GPC6: variants seen among roughly 807,000 people sequenced by gnomAD.
GPC6 encodes glypican-6.
GPC6 carries 14 observed loss-of-function variants against 55.2 expected under a neutral mutation model. That is an observed-to-expected ratio of 0.25 (90% CI 0.17 to 0.40). GPC6 has a LOEUF of 0.40. GPC6 is among the 10% of genes least tolerant of loss of function. The pLI, the probability that GPC6 is intolerant of heterozygous loss-of-function variation, is 1.00. For synonymous variants in GPC6, 278 were observed against 259.6 expected, an observed-to-expected ratio of 1.07 and a Z score of -0.68; for missense variants, 641 against 708.5, an observed-to-expected ratio of 0.90 and a Z score of 1.08.
chr13:94,044,226 A>G (rs905978390), intron 4 of GPC6, among the ~76,000 whole-genome samples: 1 of 151,766 alleles, frequency 6.6e-6, no homozygotes, highest in African/African-American at 2.4e-5. Flanking sequence ...GTATAAGTAG[A>G]TATGTGTGTA....
At chr13:93,704,830 G>A (rs921641228) in intron 2 of GPC6, among the ~76,000 whole-genome samples, 4 of 151,878 alleles carry the variant, frequency 2.6e-5, no homozygotes, top group East Asian at 1.9e-4. Flanking sequence ...TAAGCATATG[G>A]CAATGAGGCA....
intron 4 of GPC6, among the ~76,000 whole-genome samples, chr13:94,031,082 G>A (rs991143791): frequency 1.2e-4 from 18 of 149,276 alleles, no homozygotes; most frequent in Admixed American, 4.0e-4. Flanking sequence ...GTGCGTGTGC[G>A]TGTGTGTGTG....
intron 4 of GPC6, among the ~76,000 whole-genome samples, chr13:94,235,692 A>G (rs974822897): frequency 4.6e-5 from 7 of 152,162 alleles, no homozygotes; most frequent in Admixed American, 4.6e-4. Flanking sequence ...AAAATGTTAT[A>G]CAGCATCCTA....
At chr13:93,483,337 CT>C (rs1428025296) in intron 1 of GPC6, among the ~76,000 whole-genome samples, 1 of 152,026 alleles carries the variant, frequency 6.6e-6, no homozygotes, top group Non-Finnish European at 1.5e-5. Context: ...TATTGTGAAA[CT>C]TATCAGTCAA....
In GPC6 at chr13:93,245,695, T is replaced by C. The variant is rs1375925915; in HGVS notation, c.160+18079T>C. Among the ~76,000 whole-genome samples the C allele has an allele frequency of 3.3e-5, 5 of 152,190 alleles. No homozygotes were observed. The East Asian group carries it at 9.6e-4, about 29-fold the overall frequency. Reference sequence around the variant, plus strand: ...TCTTTCAGAGTGGGCAGTCACCTTTTGGATAATGGTTTTTGTATTGTTTTT... The same window carrying C: ...TCTTTCAGAGTGGGCAGTCACCTTTCGGATAATGGTTTTTGTATTGTTTTT... On this transcript the variant is annotated intron_variant, in intron 1 of 8. Transcript: ENST00000377047.
chr13:94,015,350 A>C (rs1054580955), intron 3 of GPC6, among the ~76,000 whole-genome samples: 2 of 152,102 alleles, frequency 1.3e-5, no homozygotes, highest in Admixed American at 6.5e-5. Flanking sequence ...TGTCTACTCA[A>C]ATCTTTTGCC....
At chr13:93,854,542 C>G (rs568712745) in intron 3 of GPC6, among the ~76,000 whole-genome samples, 3 of 151,558 alleles carry the variant, frequency 2.0e-5, no homozygotes, top group African/African-American at 7.3e-5. Flanking sequence ...TGAAATCACA[C>G]GTGAAGATTT....
At chr13:93,289,103 T>C (rs1878232714) in intron 1 of GPC6, among the ~76,000 whole-genome samples, 2 of 152,154 alleles carry the variant, frequency 1.3e-5, no homozygotes, top group African/African-American at 4.8e-5. Flanking sequence ...GATAGGGATG[T>C]TATACTGACC....
chr13:94,134,365 A>G (rs890581295), intron 4 of GPC6, among the ~76,000 whole-genome samples: 3 of 152,182 alleles, frequency 2.0e-5, no homozygotes, highest in South Asian at 2.1e-4. Flanking sequence ...ACACTGTACT[A>G]TTCTGTCTCT....
intron 2 of GPC6, among the ~76,000 whole-genome samples, chr13:93,801,395 A>G (rs1594469257): frequency 6.6e-6 from 1 of 152,184 alleles, no homozygotes; most frequent in Admixed American, 6.6e-5. Flanking sequence ...GACAGTGGTG[A>G]TAGGGAGTGG....
At chr13:94,132,812 C>T (rs182464192) in intron 4 of GPC6, among the ~76,000 whole-genome samples, 2 of 152,194 alleles carry the variant, frequency 1.3e-5, no homozygotes, top group East Asian at 1.9e-4. Context: ...CACCAAATAC[C>T]GCCTCAGGAC....
At chr13:93,946,438 T>C (rs1879014456) in intron 3 of GPC6, among the ~76,000 whole-genome samples, 1 of 152,156 alleles carries the variant, frequency 6.6e-6, no homozygotes. Flanking sequence ...GCCCCAAACT[T>C]TATTTTTAAT....
intron 1 of GPC6, among the ~76,000 whole-genome samples, chr13:93,281,189 T>G (rs1401526639): frequency 6.6e-6 from 1 of 152,226 alleles, no homozygotes; most frequent in Admixed American, 6.5e-5. Flanking sequence ...GCAGAAGGAC[T>G]AGAATGGTGC....
intron 6 of GPC6, among the ~76,000 whole-genome samples, chr13:94,376,741 A>G (rs1026017162): frequency 6.6e-6 from 1 of 152,240 alleles, no homozygotes; most frequent in African/African-American, 2.4e-5. Flanking sequence ...CGCATCGCCA[A>G]GACAATCCTA....
At chr13:93,229,027 A>G (rs1875918689) in intron 1 of GPC6, among the ~76,000 whole-genome samples, 1 of 152,206 alleles carries the variant, frequency 6.6e-6, no homozygotes, top group South Asian at 2.1e-4. Context: ...TCAGAGCCAG[A>G]CATTCCCTTT....
At chr13:93,937,066 A>T (rs1041718356) in intron 3 of GPC6, among the ~76,000 whole-genome samples, 1 of 152,212 alleles carries the variant, frequency 6.6e-6, no homozygotes, top group Non-Finnish European at 1.5e-5. Flanking sequence ...AGAGAAAGGA[A>T]GGCATTTGCC....
intron 1 of GPC6, among the ~76,000 whole-genome samples, chr13:93,466,871 T>C (rs570231261): frequency 8.5e-5 from 13 of 152,334 alleles, no homozygotes; most frequent in African/African-American, 3.1e-4. Flanking sequence ...CACTATTAAT[T>C]GAGTTATAAT....
chr13:93,570,697 A>C (rs1002438053), intron 2 of GPC6, among the ~76,000 whole-genome samples: 4 of 152,164 alleles, frequency 2.6e-5, no homozygotes, highest in Non-Finnish European at 4.4e-5. Flanking sequence ...TTTTTCACAC[A>C]GTTAGAGCTG....
At chr13:94,220,744 A>C (rs976973295) in intron 4 of GPC6, among the ~76,000 whole-genome samples, 1 of 152,040 alleles carries the variant, frequency 6.6e-6, no homozygotes, top group African/African-American at 2.4e-5. Flanking sequence ...GAATATTCAC[A>C]TGGCATTCTT....
Sources: gnomAD v4.1 joint callset for allele counts (sites outside exome capture counted in the v4.1 genomes callset) on GRCh38, gnomAD v4.1.1 for gene constraint, MANE v1.5 for transcripts, NCBI Gene and HGNC (gene_info 2026-07-23, HGNC 2026-07-21) for gene names.